Variants in GDF1 observed in about 807,000 individuals in gnomAD.
GDF1 encodes the protein growth differentiation factor 1.
A neutral mutation model predicts 7.4 loss-of-function variants in GDF1; 8 were observed. The ratio of observed to expected loss-of-function variants is 1.09; its 90% CI spans 0.64 to 1.96. GDF1 has a LOEUF of 1.96. GDF1 is among the 30% of genes most tolerant of loss of function. The pLI is 0.00. For missense variants in GDF1, 574 were observed against 551.5 expected (o/e 1.04, Z -0.41); for synonymous variants, 311 against 276.7 (o/e 1.12, Z -1.23).
chr19:18,879,320 G>A lies in GDF1; in HGVS notation c.-502C>T, dbSNP rs769809173. On this transcript the variant is annotated 5_prime_UTR_variant, in exon 5 of 8. The change creates a new upstream start codon in the 5' untranslated region. Coordinates refer to ENST00000247005, the MANE Select transcript of GDF1 (RefSeq NM_001492.6). ...GAAGTAGAAGGGGATGTCAGGCACC[G>A]TGCGCAGACTGCAGTGACTGGTGGC... 31 of 1,610,068 alleles carry A rather than the reference G, an allele frequency of 1.9e-5. No individual in the cohort carries two copies. The highest frequency in any genetic ancestry group is 3.4e-5 in the Admixed American group (2 of 59,282).
In GDF1 at chr19:18,878,072, G is replaced by A. The variant is rs1205034764; in HGVS notation, c.-313+858C>T. On this transcript the variant is annotated intron_variant, in intron 6 of 7. Transcript: ENST00000247005. This position sits in a 1 kb window ranked among gnomAD's most constrained non-coding sequence, Gnocchi z 4.6. The stretch of plus-strand genomic sequence containing the variant: ...TCTCGCACCTCCCGTTCCAAAAAAC[G>A]TCACGGAGCTCTGAGCCACTGCTTC... 12 of 985,452 alleles carry A rather than the reference G, an allele frequency of 1.2e-5. No homozygotes were observed. Among genetic ancestry groups the A allele is most frequent in the African/African-American group, 1.7e-5 (1 of 57,320 alleles). 61.0% of individuals were successfully genotyped at this position (985,452 alleles called of 1,614,324 possible).
Position 18,869,303 on chromosome 19 carries a change from G to T in GDF1, c.413C>A (p.Pro138His). Residue 138 changes from proline (P) to histidine (H), a missense_variant, in exon 8 of 8, where the codon CCC (proline) becomes CAC (histidine). Transcript: ENST00000247005. ...TVVFDLSAVE[P>H]AERPSRARLE... ...GCGGGCCCGGCTCGGGCGCTCAGCG[G>T]GTTCCACAGCCGACAGGTCGAAGAC... The T allele has an allele frequency of 6.6e-7, 1 of 1,517,238 alleles. No homozygotes were observed. Among genetic ancestry groups the T allele is most frequent in the Non-Finnish European group, 8.8e-7 (1 of 1,140,026 alleles). 94.0% of individuals were successfully genotyped at this position (1,517,238 alleles called of 1,614,324 possible). A position where few individuals can be genotyped will look rare whatever the true frequency, so the allele number is the denominator to read the frequency against.
chr19:18,893,270 A>G, intron 2 of GDF1, 146 bp downstream of exon 2: 1 of 811,396 alleles, frequency 1.2e-6, no homozygotes, highest in Non-Finnish European at 1.9e-6. Flanking sequence ...GCTGGAGTGC[A>G]GTGGCGTGCT....
intron 6 of GDF1, among the ~76,000 whole-genome samples, chr19:18,876,997 A>G (rs2056071322): frequency 6.6e-6 from 1 of 152,084 alleles, no homozygotes; most frequent in African/African-American, 2.4e-5. Context: ...TGATCTTGAC[A>G]GTTTCTGGGC....
At position 18,878,800 on chromosome 19, in the gene GDF1, G is replaced by A; in HGVS notation, c.-313+130C>T. 1 of 1,478,228 alleles carries A rather than the reference G, an allele frequency of 6.8e-7. No homozygotes were observed. Among genetic ancestry groups the A allele is most frequent in the Non-Finnish European group, 9.0e-7 (1 of 1,114,808 alleles). 91.6% of individuals were successfully genotyped at this position (1,478,228 alleles called of 1,614,324 possible). A position where few individuals can be genotyped will look rare whatever the true frequency, so the allele number is the denominator to read the frequency against. The stretch of plus-strand genomic sequence containing the variant: ...ACGCCTTTATTGCAGTCTCTGTTTT[G>A]GAGTAGGCTTGGGGGGCAGCATCCG... On this transcript the variant is annotated intron_variant, in intron 6 of 7. Transcript: ENST00000247005. The surrounding 1 kb of genome is among the most constrained non-coding windows in gnomAD (Gnocchi z 4.6).
At position 18,868,861 on chromosome 19, in the gene GDF1, G is replaced by C; in HGVS notation, c.855C>G (p.Val285=). The C allele has an allele frequency of 6.9e-7, 1 of 1,443,218 alleles. No individual in the cohort carries two copies. Among genetic ancestry groups the C allele is most frequent in the Non-Finnish European group, 9.2e-7 (1 of 1,090,690 alleles). The allele number at this position is 1,443,218 out of a possible 1,614,324, so 89.4% of individuals were successfully genotyped here. A position where few individuals can be genotyped will look rare whatever the true frequency, so the allele number is the denominator to read the frequency against. ...TGGCCAGGAAGCCGCGCGGCGCGAT[G>C]ACCCAGCGGTGCCAGCCCACCTCGC... The part of the protein sequence containing the change: ...SFREVGWHRW[V]IAPRGFLANY... Residue 285 remains valine, a synonymous_variant, in exon 8 of 8, where the codon GTC becomes GTG. Coordinates refer to ENST00000247005, the MANE Select transcript of GDF1 (RefSeq NM_001492.6).
intron 6 of GDF1, among the ~76,000 whole-genome samples, chr19:18,876,398 G>A (rs2056061155): frequency 6.6e-6 from 1 of 151,700 alleles, no homozygotes; most frequent in Non-Finnish European, 1.5e-5. Flanking sequence ...TGTTGCTCTG[G>A]AGTATAGTGG....
At chr19:18,885,404 C>T (rs1308268077) in intron 2 of GDF1, among the ~76,000 whole-genome samples, 2 of 151,516 alleles carry the variant, frequency 1.3e-5, no homozygotes, top group Non-Finnish European at 2.9e-5. Context: ...GCCATGTTGC[C>T]CAGGGTGATC....
rs138554632 is a variant in GDF1 at position 18,886,128 on chromosome 19, G to A, written c.-913-1861C>T. The stretch of plus-strand genomic sequence containing the variant: ...CAAATTCAAGGGCTATGCTCTGGAC[G>A]GGCACGGTGGCTCATGCCTGTAATC... On this transcript the variant is annotated intron_variant, in intron 2 of 7. Transcript: ENST00000247005. 3.9e-3 allele frequency among the ~76,000 whole-genome samples: 588 copies of A among 150,218 alleles called. 11 individuals are homozygous for A. The highest frequency in any genetic ancestry group is 0.014 in the African/African-American group (543 of 39,560).
intron 3 of GDF1, among the ~76,000 whole-genome samples, chr19:18,881,170 C>T (rs557530851): frequency 3.3e-5 from 5 of 151,912 alleles, no homozygotes; most frequent in Admixed American, 2.0e-4. Flanking sequence ...GCCTGGCCAT[C>T]GCTGCAGGAA....
chr19:18,883,269 A>G (rs2056259614), intron 3 of GDF1: 1 of 152,192 alleles, frequency 6.6e-6, no homozygotes, highest in South Asian at 2.1e-4. Flanking sequence ...TAAAGTTTCT[A>G]TTGGCCACAT....
intron 7 of GDF1, among the ~76,000 whole-genome samples, 198 bp from the exon 8 acceptor site, chr19:18,869,588 G>T (rs1173567672): frequency 4.0e-5 from 6 of 150,882 alleles, no homozygotes; most frequent in South Asian, 4.2e-4. Flanking sequence ...GGGTGCGGCG[G>T]GGGGGGTGGG....
chr19:18,868,793 C>G lies in GDF1; in HGVS notation c.923G>C (p.Gly308Ala). The stretch of plus-strand genomic sequence containing the variant: ...GTTGAGCGCCGGCGGCCCCCCGGAC[C>G]CCGACAGCGCGACGGGCAGCGCGCA... ...GQCALPVALS[G>A]SGGPPALNHA... Residue 308 changes from glycine (G) to alanine (A), a missense_variant, in exon 8 of 8, where the codon GGG (glycine) becomes GCG (alanine). By Grantham distance (60) the Gly-to-Ala change is moderately conservative (BLOSUM62 0). Transcript: ENST00000247005. The G allele has an allele frequency of 6.9e-7, 1 of 1,459,508 alleles. No homozygotes were observed. Among genetic ancestry groups the G allele is most frequent in the African/African-American group, 1.5e-5 (1 of 66,948 alleles). 90.4% of individuals were successfully genotyped at this position (1,459,508 alleles called of 1,614,324 possible). A position where few individuals can be genotyped will look rare whatever the true frequency, so the allele number is the denominator to read the frequency against.
chr19:18,871,336 C>T (rs906200044), intron 6 of GDF1, among the ~76,000 whole-genome samples: 1 of 151,108 alleles, frequency 6.6e-6, no homozygotes, highest in Non-Finnish European at 1.5e-5. Flanking sequence ...AAGCGATTCT[C>T]CTGCCTCAGC....
chr19:18,881,575 A>T (rs116234255), intron 3 of GDF1: 2,265 of 152,250 alleles, frequency 0.015, 53 homozygotes, highest in African/African-American at 0.052. Flanking sequence ...CAGAGTCTCC[A>T]TCTGACAGAT....
intron 2 of GDF1, among the ~76,000 whole-genome samples, chr19:18,886,651 T>C (rs1390632466): frequency 3.3e-5 from 5 of 152,192 alleles, no homozygotes; most frequent in African/African-American, 1.2e-4. Context: ...TTGCTCCCTG[T>C]TCTCTGGCCA....
intron 3 of GDF1, 51 bp from the exon 4 acceptor site, chr19:18,880,486 C>A: frequency 3.3e-6 from 5 of 1,503,434 alleles, no homozygotes; most frequent in East Asian, 2.4e-5. Context: ...TGGGGGACCT[C>A]CACTCTGCAC....
In GDF1 at chr19:18,870,682, CCGCTTCT is replaced by C. The variant is rs2055952686; in HGVS notation, c.-312-70_-312-64del. On this transcript the variant is annotated intron_variant, in intron 6 of 7. Coordinates refer to ENST00000247005, the MANE Select transcript of GDF1 (RefSeq NM_001492.6). This position sits in a 1 kb window ranked among gnomAD's most constrained non-coding sequence, Gnocchi z 5.1. ...CCACGCGGCCGCCTGGCCCTCTTTC[CCGCTTCT>C]TCTCTGGCCGTTTCACACCCCCTGG... 2.0e-6 allele frequency: 1 copy of C among 509,400 alleles called. No individual in the cohort carries two copies. The highest frequency in any genetic ancestry group is 2.0e-5 in the African/African-American group (1 of 49,182). The allele number at this position is 509,400 out of a possible 1,614,324, so 31.6% of individuals were successfully genotyped here.
At chr19:18,887,744 C>CAAAAAA in intron 2 of GDF1, among the ~76,000 whole-genome samples, 1 of 104,052 alleles carries the variant, frequency 9.6e-6, no homozygotes, top group Non-Finnish European at 1.9e-5. Context: ...AACTCCATCT[C>CAAAAAA]AAAAAAAAAA....
Sources: gnomAD v4.1 joint callset for allele counts (sites outside exome capture counted in the v4.1 genomes callset) on GRCh38, gnomAD v4.1.1 for gene constraint, Gnocchi (gnomAD v3.1) non-coding constraint, MANE v1.5 for transcripts, NCBI Gene and HGNC (gene_info 2026-07-23, HGNC 2026-07-21) for gene names.